TMEM217: variants seen among roughly 807,000 people sequenced by gnomAD.
The protein encoded by TMEM217 is transmembrane protein 217.
For missense variants in TMEM217, 204 were observed against 248.8 expected (o/e 0.82, Z 1.21); for synonymous variants, 76 against 88.3 (o/e 0.86, Z 0.78).
At chr6:37,221,498 A>C (rs1007032965) in intron 1 of TMEM217, among the ~76,000 whole-genome samples, 2 of 152,086 alleles carry the variant, frequency 1.3e-5, no homozygotes, top group African/African-American at 4.8e-5. Context: ...TGTAAGTAGA[A>C]TCTTATAGCA....
chr6:37,239,783 A>G (rs558839587), intron 1 of TMEM217, among the ~76,000 whole-genome samples: 71 of 152,210 alleles, frequency 4.7e-4, no homozygotes, highest in African/African-American at 1.4e-3. Flanking sequence ...ATAAAGCTTT[A>G]GAGCCTAATT....
intron 1 of TMEM217, among the ~76,000 whole-genome samples, chr6:37,252,746 C>T (rs1394417292): frequency 6.7e-5 from 10 of 149,882 alleles, no homozygotes; most frequent in Admixed American, 1.3e-4. Flanking sequence ...CTCAAGTGAT[C>T]CTCCCACCTC....
exon 4 of TMEM217, chr6:37,212,441 C>T: frequency 2.3e-6 from 1 of 431,196 alleles, no homozygotes; most frequent in Non-Finnish European, 4.7e-6. Context: ...TACAACATTC[C>T]CAGACGGACA....
chr6:37,257,389 G>T (rs1248037767), intron 1 of TMEM217, among the ~76,000 whole-genome samples, 179 bp downstream of exon 1: 2 of 152,192 alleles, frequency 1.3e-5, no homozygotes, highest in African/African-American at 4.8e-5. Context: ...GAGTGTCATT[G>T]AATTGAGAGA....
chr6:37,239,796 T>G (rs1175497573), intron 1 of TMEM217, among the ~76,000 whole-genome samples: 1 of 151,740 alleles, frequency 6.6e-6, no homozygotes. Context: ...GCCTAATTCA[T>G]CTATATCGGT....
chr6:37,215,447 C>T (rs111993148), downstream of TMEM217, among the ~76,000 whole-genome samples: 1,042 of 151,594 alleles, frequency 6.9e-3, 13 homozygotes, highest in African/African-American at 0.023. Context: ...TGGTGGCACG[C>T]GCCAACTACC....
At chr6:37,213,122 T>C, downstream of TMEM217, 1 of 689,252 alleles carries the variant, frequency 1.5e-6, no homozygotes, top group East Asian at 2.7e-5. Flanking sequence ...GGCAATAGGC[T>C]GGAAGTTAAG....
At chr6:37,246,480 T>C (rs1157167608) in intron 1 of TMEM217, among the ~76,000 whole-genome samples, 2 of 152,190 alleles carry the variant, frequency 1.3e-5, no homozygotes, top group East Asian at 1.9e-4. Context: ...CAGGGAAATA[T>C]ACTCCATCTA....
exon 2 of TMEM217, chr6:37,218,238 C>A: frequency 7.5e-7 from 1 of 1,325,334 alleles, no homozygotes. Context: ...GGCGCAATCT[C>A]GGCTCACTGC....
At position 37,257,850 on chromosome 6, in the gene TMEM217, CG is replaced by C. The variant is rs1181525591; in HGVS notation, c.-295del. ...GCGGCCTGGGTTGGCCCTCAGATTG[CG>C]GGGTCTGGGGGCATCTCGCCGGGCA... On this transcript the variant is annotated 5_prime_UTR_variant, in exon 1 of 2. An upstream open reading frame in the 5' UTR loses its in-frame stop. Coordinates refer to ENST00000357219, the Ensembl canonical transcript of TMEM217. The C allele has an allele frequency of 4.5e-6, 7 of 1,553,750 alleles. No homozygotes were observed. The highest frequency in any genetic ancestry group is 4.4e-6 in the Non-Finnish European group (5 of 1,142,978).
chr6:37,215,994 GGTGTGTGTGT>G (rs60725183), downstream of TMEM217, among the ~76,000 whole-genome samples: 36 of 149,182 alleles, frequency 2.4e-4, no homozygotes, highest in East Asian at 5.9e-4. Flanking sequence ...GGTTCTTCAG[GGTGTGTGTGT>G]GTGTGTGTGT....
At chr6:37,253,653 C>T (rs1333056277) in intron 1 of TMEM217, among the ~76,000 whole-genome samples, 1 of 152,108 alleles carries the variant, frequency 6.6e-6, no homozygotes, top group Non-Finnish European at 1.5e-5. Flanking sequence ...ATTTCTTAAC[C>T]CTTCCCCTCA....
At chr6:37,217,479 T>C (rs534366967), downstream of TMEM217, among the ~76,000 whole-genome samples, 67 of 152,338 alleles carry the variant, frequency 4.4e-4, no homozygotes, top group Middle Eastern at 6.8e-3. Flanking sequence ...CATTTTTGTA[T>C]ACAGTATATA....
At chr6:37,257,209 A>G (rs543223200) in intron 1 of TMEM217, among the ~76,000 whole-genome samples, 51 of 152,348 alleles carry the variant, frequency 3.3e-4, no homozygotes, top group South Asian at 1.0e-3. Flanking sequence ...TTTAACCCAC[A>G]GCACAAGTCC....
chr6:37,249,584 G>C (rs1765287248), intron 1 of TMEM217, among the ~76,000 whole-genome samples: 1 of 152,188 alleles, frequency 6.6e-6, no homozygotes, highest in African/African-American at 2.4e-5. Flanking sequence ...GCCTCCCAAA[G>C]TGTTGGGATT....
At chr6:37,247,092 T>C (rs1358237354) in intron 1 of TMEM217, among the ~76,000 whole-genome samples, 1 of 152,158 alleles carries the variant, frequency 6.6e-6, no homozygotes, top group East Asian at 1.9e-4. Context: ...AAACTGGCAA[T>C]GAATGTCCCA....
At chr6:37,243,536 T>C (rs947279187) in intron 1 of TMEM217, among the ~76,000 whole-genome samples, 3 of 152,198 alleles carry the variant, frequency 2.0e-5, no homozygotes, top group African/African-American at 7.2e-5. Flanking sequence ...GCTGGCCATA[T>C]CATATGGGAT....
intron 1 of TMEM217, among the ~76,000 whole-genome samples, chr6:37,235,756 A>G (rs1423946527): frequency 1.3e-5 from 2 of 152,188 alleles, no homozygotes; most frequent in Non-Finnish European, 2.9e-5. Context: ...TGCTTCCAAG[A>G]TGACGCCTTG....
At chr6:37,213,719 C>A (rs1162080668), downstream of TMEM217, among the ~76,000 whole-genome samples, 1 of 152,224 alleles carries the variant, frequency 6.6e-6, no homozygotes, top group African/African-American at 2.4e-5. Context: ...CCGAGCCGAC[C>A]CTGCTGAGGG....
Sources: allele counts gnomAD v4.1 joint callset (sites outside exome capture counted in the v4.1 genomes callset), GRCh38; gene constraint gnomAD v4.1.1; transcripts MANE v1.5; gene names NCBI Gene and HGNC (gene_info 2026-07-23, HGNC 2026-07-21).